CALN1: variants seen among roughly 807,000 people sequenced by gnomAD.
The protein encoded by CALN1 is calcium-binding protein 8.
In CALN1, 17 loss-of-function variants were observed where a neutral mutation model predicts 30.6. That is an observed-to-expected ratio of 0.56 (90% CI 0.38 to 0.83). The LOEUF is 0.83. CALN1 is among the 40% of genes least tolerant of loss of function. The probability of loss-of-function intolerance (pLI) is 0.00; values close to 1 mark genes in which losing one functional copy is unlikely to be tolerated. For synonymous variants in CALN1, 156 were observed against 131.4 expected (o/e 1.19, Z -1.28); for missense variants, 291 against 354.9 (o/e 0.82, Z 1.45).
At chr7:72,248,762 G>A (rs1795355311) in intron 3 of CALN1, among the ~76,000 whole-genome samples, 2 of 151,368 alleles carry the variant, frequency 1.3e-5, no homozygotes, top group Admixed American at 1.3e-4. Flanking sequence ...ATCTTTGGGG[G>A]TACATCTTTC....
At chr7:71,915,726 C>T (rs1288735682) in intron 5 of CALN1, among the ~76,000 whole-genome samples, 1 of 148,512 alleles carries the variant, frequency 6.7e-6, no homozygotes, top group Admixed American at 6.7e-5. Flanking sequence ...GAGCGAGACT[C>T]CGTCTCAAAA....
intron 3 of CALN1, among the ~76,000 whole-genome samples, chr7:72,129,945 G>A (rs1022656356): frequency 5.3e-5 from 8 of 152,102 alleles, no homozygotes; most frequent in South Asian, 2.1e-4. Flanking sequence ...GAGGGGTCTC[G>A]GTCACGAGGG....
At chr7:72,502,448 C>T in the CALN1 span, among the ~76,000 whole-genome samples, 1 of 150,418 alleles carries the variant, frequency 6.6e-6, no homozygotes, top group African/African-American at 2.4e-5. Flanking sequence ...AGAAACCTTA[C>T]CATGTCTCTA....
intron 3 of CALN1, among the ~76,000 whole-genome samples, chr7:72,174,001 C>T (rs941393813): frequency 2.0e-5 from 3 of 150,770 alleles, no homozygotes; most frequent in Non-Finnish European, 4.4e-5. Context: ...AAAAGGCAAA[C>T]CACAGACTGG....
intron 5 of CALN1, among the ~76,000 whole-genome samples, chr7:72,019,718 A>G (rs2129529937): frequency 6.6e-6 from 1 of 152,326 alleles, no homozygotes; most frequent in South Asian, 2.1e-4. Flanking sequence ...TCCAGCCAGC[A>G]TCTTGGCTGC....
intron 3 of CALN1, among the ~76,000 whole-genome samples, chr7:72,259,491 T>G (rs1012918723): frequency 1.9e-4 from 29 of 151,988 alleles, no homozygotes; most frequent in Admixed American, 1.9e-3. Flanking sequence ...CACATCCATA[T>G]CTCATCAAGA....
At chr7:71,945,867 T>C (rs1277168823) in intron 5 of CALN1, among the ~76,000 whole-genome samples, 1 of 152,224 alleles carries the variant, frequency 6.6e-6, no homozygotes, top group Non-Finnish European at 1.5e-5. Flanking sequence ...AAAACCATCC[T>C]TCCTCACTGG....
At chr7:72,368,999 G>A (rs150888882) in intron 2 of CALN1, among the ~76,000 whole-genome samples, 21 of 151,594 alleles carry the variant, frequency 1.4e-4, no homozygotes, top group African/African-American at 5.1e-4. Flanking sequence ...ATTTTTAGTA[G>A]AAACGGGGTT....
At chr7:72,142,450 G>C (rs1036983483) in intron 3 of CALN1, among the ~76,000 whole-genome samples, 1 of 152,166 alleles carries the variant, frequency 6.6e-6, no homozygotes, top group Non-Finnish European at 1.5e-5. Flanking sequence ...GCTGAGGCTT[G>C]AGTAGGTAAA....
chr7:72,200,603 T>C (rs1166133642), intron 3 of CALN1, among the ~76,000 whole-genome samples: 1 of 151,870 alleles, frequency 6.6e-6, no homozygotes, highest in Non-Finnish European at 1.5e-5. Context: ...TGAGCTGAGA[T>C]CTGCCATCAA....
At chr7:71,881,837 C>T (rs150627794) in intron 5 of CALN1, among the ~76,000 whole-genome samples, 155 of 151,336 alleles carry the variant, frequency 1.0e-3, no homozygotes, top group African/African-American at 3.6e-3. Context: ...CTTTGGGAGA[C>T]GTAGGTGGGA....
intron 2 of CALN1, among the ~76,000 whole-genome samples, chr7:72,344,975 A>G (rs1049524215): frequency 2.0e-5 from 3 of 147,266 alleles, no homozygotes; most frequent in African/African-American, 5.0e-5. Flanking sequence ...ATTTATATAT[A>G]AATATTTATA....
rs1354031212 is a variant in CALN1 at position 71,967,643 on chromosome 7, G to GA, written c.501+56013dup. Among the ~76,000 whole-genome samples, 6 of 137,180 alleles carry GA rather than the reference G, an allele frequency of 4.4e-5. No homozygotes were observed. In the South Asian group the frequency reaches 9.0e-4, roughly 21 times the overall value. The allele number at this position is 137,180 out of a possible 152,430, so 90.0% of individuals were successfully genotyped here. ...CCTGTTTCAAAAAAAAAAAAAAAAA[G>GA]AAAGAAAAGAAAAGAAAAGAAAAAA... On this transcript the variant is annotated intron_variant, in intron 5 of 6. Coordinates refer to ENST00000395275, the MANE Select transcript of CALN1 (RefSeq NM_031468.4).
chr7:72,414,776 T>A (rs1184197388), upstream of CALN1, among the ~76,000 whole-genome samples: 3 of 152,206 alleles, frequency 2.0e-5, no homozygotes, highest in African/African-American at 7.2e-5. Context: ...CATGCTTGGA[T>A]GGCCCAAGAC....
chr7:72,207,586 GATT>G (rs1009718342), intron 3 of CALN1, among the ~76,000 whole-genome samples: 1 of 151,950 alleles, frequency 6.6e-6, no homozygotes, highest in Non-Finnish European at 1.5e-5. Context: ...GTAGTGCTGG[GATT>G]ACAGGCATGA....
chr7:72,285,656 T>C (rs1377991206), intron 2 of CALN1, among the ~76,000 whole-genome samples: 1 of 152,196 alleles, frequency 6.6e-6, no homozygotes, highest in Non-Finnish European at 1.5e-5. Flanking sequence ...ATTTAATTTA[T>C]GTTGTATAGA....
At chr7:72,093,560 T>C (rs1286275879) in intron 4 of CALN1, among the ~76,000 whole-genome samples, 1 of 152,186 alleles carries the variant, frequency 6.6e-6, no homozygotes, top group Non-Finnish European at 1.5e-5. Context: ...TGGGATACAA[T>C]AATTATTTAA....
intron 5 of CALN1, among the ~76,000 whole-genome samples, chr7:71,894,105 G>A (rs1793404515): frequency 6.6e-6 from 1 of 152,158 alleles, no homozygotes; most frequent in Admixed American, 6.5e-5. Flanking sequence ...TGATGTCCTA[G>A]CACAGCCAGA....
chr7:72,371,365 A>G (rs1804232478), intron 2 of CALN1, among the ~76,000 whole-genome samples: 1 of 152,178 alleles, frequency 6.6e-6, no homozygotes, highest in African/African-American at 2.4e-5. Flanking sequence ...TCCCCTAAAC[A>G]TGTTGTGGAA....
Sources: allele counts gnomAD v4.1 joint callset (sites outside exome capture counted in the v4.1 genomes callset), GRCh38; gene constraint gnomAD v4.1.1; transcripts MANE v1.5; gene names NCBI Gene and HGNC (gene_info 2026-07-23, HGNC 2026-07-21).